OR3A2: variants seen among roughly 807,000 people sequenced by gnomAD.
OR3A2 encodes the protein olfactory receptor 3A2.
For missense variants in OR3A2, 318 were observed against 392.8 expected, an observed-to-expected ratio of 0.81 and a Z score of 1.61; for synonymous variants, 126 against 159.3, an observed-to-expected ratio of 0.79 and a Z score of 1.57.
chr17:3,341,111 T>A (rs1344120677), intron 2 of OR3A2, among the ~76,000 whole-genome samples: 1 of 152,196 alleles, frequency 6.6e-6, no homozygotes, highest in African/African-American at 2.4e-5. Flanking sequence ...TTGCTTTCCA[T>A]TTGCTTGGTA....
chr17:3,342,915 C>T (rs1373767074), intron 2 of OR3A2, among the ~76,000 whole-genome samples: 2 of 152,006 alleles, frequency 1.3e-5, no homozygotes, highest in East Asian at 3.9e-4. Flanking sequence ...AGGCGGGCCT[C>T]GTTGGCTTCC....
At chr17:3,375,584 G>C (rs1483477355) in intron 2 of OR3A2, among the ~76,000 whole-genome samples, 1 of 152,098 alleles carries the variant, frequency 6.6e-6, no homozygotes, top group Non-Finnish European at 1.5e-5. Context: ...TTACAGGCAT[G>C]AGCCACCGTG....
chr17:3,357,498 G>A (rs1199308232), intron 2 of OR3A2, among the ~76,000 whole-genome samples: 2 of 151,546 alleles, frequency 1.3e-5, no homozygotes, highest in Non-Finnish European at 2.9e-5. Context: ...TTTGTGAGGT[G>A]TCTAGAATAG....
chr17:3,368,499 C>T (rs1223408830), intron 2 of OR3A2, among the ~76,000 whole-genome samples: 1 of 152,134 alleles, frequency 6.6e-6, no homozygotes. Flanking sequence ...GGTGCCCTTT[C>T]CCCACTTTTA....
intron 3 of OR3A2, chr17:3,291,937 G>A: frequency 6.2e-7 from 1 of 1,614,210 alleles, no homozygotes; most frequent in South Asian, 1.1e-5. Context: ...ATGACAATGA[G>A]AGCCATGGGG....
At chr17:3,336,706 T>C (rs1451300615) in intron 2 of OR3A2, among the ~76,000 whole-genome samples, 1 of 152,204 alleles carries the variant, frequency 6.6e-6, no homozygotes, top group Admixed American at 6.5e-5. Flanking sequence ...GACACCATAC[T>C]TTAGCTGCGC....
intron 2 of OR3A2, among the ~76,000 whole-genome samples, chr17:3,367,885 C>A (rs2049577936): frequency 6.6e-6 from 1 of 152,068 alleles, no homozygotes; most frequent in Admixed American, 6.5e-5. Flanking sequence ...CTTTTCACCA[C>A]ATCCACACCA....
intron 2 of OR3A2, among the ~76,000 whole-genome samples, chr17:3,371,537 C>T (rs1396849447): frequency 6.9e-6 from 1 of 145,290 alleles, no homozygotes; most frequent in Non-Finnish European, 1.5e-5. Flanking sequence ...CACCACCTCC[C>T]TCCCGGACGG....
intron 2 of OR3A2, among the ~76,000 whole-genome samples, chr17:3,366,878 T>A (rs367809183): frequency 6.6e-6 from 1 of 152,200 alleles, no homozygotes; most frequent in Non-Finnish European, 1.5e-5. Context: ...TCATTGCCAA[T>A]GGAATCCCTC....
At chr17:3,371,727 C>T (rs1432992547) in intron 2 of OR3A2, among the ~76,000 whole-genome samples, 2 of 127,668 alleles carry the variant, frequency 1.6e-5, no homozygotes, top group Non-Finnish European at 1.7e-5. Context: ...CCGGACGGGG[C>T]AGCTGGCCGG....
chr17:3,289,804 A>T (rs1457251703), intron 3 of OR3A2, among the ~76,000 whole-genome samples: 2 of 152,148 alleles, frequency 1.3e-5, no homozygotes, highest in Non-Finnish European at 1.5e-5. Flanking sequence ...GTCTTCCCCA[A>T]CGGTCTTCTT....
At chr17:3,327,551 T>C (rs2049187010) in intron 3 of OR3A2, among the ~76,000 whole-genome samples, 1 of 127,656 alleles carries the variant, frequency 7.8e-6, no homozygotes, top group Non-Finnish European at 1.6e-5. Context: ...GCAGAAGCTC[T>C]TTAGTTTAAT....
chr17:3,380,127 G>A (rs1020425830), intron 2 of OR3A2, among the ~76,000 whole-genome samples: 3 of 152,228 alleles, frequency 2.0e-5, no homozygotes, highest in Non-Finnish European at 4.4e-5. Flanking sequence ...CACACCTGCT[G>A]TAACTCCCCC....
intron 2 of OR3A2, among the ~76,000 whole-genome samples, chr17:3,367,583 GTA>G (rs148969610): frequency 0.095 from 10,991 of 116,146 alleles, 823 homozygotes; most frequent in African/African-American, 0.19. Context: ...TGGTGTATAT[GTA>G]TATGTGTGTG....
chr17:3,300,830 G>C (rs6502713), intron 3 of OR3A2, among the ~76,000 whole-genome samples: 21,877 of 143,336 alleles, frequency 0.15, 2,534 homozygotes, highest in African/African-American at 0.31. Context: ...TCCTAATGCT[G>C]TCCCTCCCCC....
chr17:3,278,185 C>G (rs769654019), exon 2 of OR3A2: 3 of 1,614,226 alleles, frequency 1.9e-6, no homozygotes, highest in Non-Finnish European at 2.5e-6. Flanking sequence ...AGGTGGGAGC[C>G]ACACGTGGAG....
intron 2 of OR3A2, among the ~76,000 whole-genome samples, chr17:3,349,942 T>A (rs1010235683): frequency 6.6e-6 from 1 of 151,154 alleles, no homozygotes; most frequent in African/African-American, 2.4e-5. Flanking sequence ...ACTGGGTACA[T>A]AATGAAATGA....
At chr17:3,374,158 G>C (rs2049658790) in intron 2 of OR3A2, among the ~76,000 whole-genome samples, 1 of 152,206 alleles carries the variant, frequency 6.6e-6, no homozygotes, top group South Asian at 2.1e-4. Flanking sequence ...CTTCTGTTGA[G>C]AAATCTGCTG....
intron 3 of OR3A2, among the ~76,000 whole-genome samples, chr17:3,304,221 T>G (rs1353800977): frequency 1.3e-5 from 2 of 152,232 alleles, no homozygotes; most frequent in Non-Finnish European, 2.9e-5. Flanking sequence ...AGTGTTTTTC[T>G]CTCCGGATGT....
Sources: allele counts gnomAD v4.1 joint callset (sites outside exome capture counted in the v4.1 genomes callset), GRCh38; gene constraint gnomAD v4.1.1; transcripts MANE v1.5; gene names NCBI Gene and HGNC (gene_info 2026-07-23, HGNC 2026-07-21).